The following GPAT3 variants were observed in gnomAD, a reference collection of about 807,000 sequenced individuals.
GPAT3 encodes glycerol-3-phosphate acyltransferase 3.
In GPAT3, 53 loss-of-function variants were observed where a neutral mutation model predicts 58.8. That is an observed-to-expected ratio of 0.90 (90% CI 0.72 to 1.13). GPAT3 has a LOEUF of 1.13. Among genes scored for constraint, GPAT3 ranks in the 50% most tolerant of loss-of-function variants. GPAT3 has a pLI of 0.00. For synonymous variants in GPAT3, 197 were observed against 187.4 expected (o/e 1.05, Z -0.42); for missense variants, 511 against 527.6 (o/e 0.97, Z 0.31).
intron 7 of GPAT3, among the ~76,000 whole-genome samples, chr4:83,595,886 A>C (rs1726808621): frequency 6.6e-6 from 1 of 152,150 alleles, no homozygotes; most frequent in African/African-American, 2.4e-5. Context: ...GTGGTCCATT[A>C]CTCTTAATAT....
chr4:83,601,785 G>T (rs778564891), intron 11 of GPAT3, among the ~76,000 whole-genome samples: 1 of 152,154 alleles, frequency 6.6e-6, no homozygotes, highest in East Asian at 1.9e-4. Context: ...AATAAAATTT[G>T]TTATGCTAAT....
chr4:83,566,918 G>A (rs549534447), intron 2 of GPAT3, among the ~76,000 whole-genome samples: 1 of 151,484 alleles, frequency 6.6e-6, no homozygotes, highest in Non-Finnish European at 1.5e-5. Context: ...TATAAATAAG[G>A]TGTGTTCTTC....
At chr4:83,575,949 C>G (rs1725796753) in intron 2 of GPAT3, among the ~76,000 whole-genome samples, 1 of 152,192 alleles carries the variant, frequency 6.6e-6, no homozygotes, top group African/African-American at 2.4e-5. Context: ...GATCCCTTAC[C>G]CTGCTACTCC....
At chr4:83,561,819 AAGAG>A (rs70965358) in intron 2 of GPAT3, among the ~76,000 whole-genome samples, 17 of 151,468 alleles carry the variant, frequency 1.1e-4, no homozygotes, top group Middle Eastern at 3.4e-3. Flanking sequence ...AAAAAAAAAA[AAGAG>A]AGAGAGAATT....
chr4:83,582,465 A>G (rs1726179918), intron 3 of GPAT3, among the ~76,000 whole-genome samples: 1 of 152,194 alleles, frequency 6.6e-6, no homozygotes, highest in Admixed American at 6.5e-5. Context: ...ACATGAGTAG[A>G]AGGCACTGCG....
intron 1 of GPAT3, among the ~76,000 whole-genome samples, chr4:83,544,265 A>G (rs1338271675): frequency 6.6e-6 from 1 of 152,198 alleles, no homozygotes; most frequent in Non-Finnish European, 1.5e-5. Flanking sequence ...CTTTTCAAGG[A>G]GTAATTTATC....
intron 3 of GPAT3, among the ~76,000 whole-genome samples, chr4:83,582,818 T>C (rs868575830): frequency 2.0e-5 from 3 of 151,948 alleles, no homozygotes; most frequent in African/African-American, 4.8e-5. Flanking sequence ...AGTTCAGACA[T>C]TGGGGCATAG....
chr4:83,537,797 G>A (rs1724161832), intron 1 of GPAT3, among the ~76,000 whole-genome samples: 1 of 152,010 alleles, frequency 6.6e-6, no homozygotes. Context: ...GCAGCCTAGT[G>A]GTTAGGATTA....
At chr4:83,550,522 T>A (rs1209569539) in intron 2 of GPAT3, among the ~76,000 whole-genome samples, 1 of 152,228 alleles carries the variant, frequency 6.6e-6, no homozygotes, top group Non-Finnish European at 1.5e-5. Flanking sequence ...CATGCTTGAT[T>A]CATTTATCAA....
At chr4:83,583,730 G>A (rs919536044) in intron 3 of GPAT3, among the ~76,000 whole-genome samples, 1 of 138,994 alleles carries the variant, frequency 7.2e-6, no homozygotes, top group Admixed American at 7.6e-5. Context: ...ACTCTTGCCT[G>A]TAATCCCAGC....
chr4:83,599,956 A>C (rs1030564040), intron 11 of GPAT3, among the ~76,000 whole-genome samples: 3 of 152,200 alleles, frequency 2.0e-5, no homozygotes, highest in African/African-American at 7.2e-5. Flanking sequence ...AAATAGAACA[A>C]TTATAATAAT....
intron 2 of GPAT3, among the ~76,000 whole-genome samples, chr4:83,562,192 T>TA (rs1184218469): frequency 1.7e-4 from 7 of 42,306 alleles, no homozygotes; most frequent in East Asian, 1.2e-3. Flanking sequence ...TATATATATA[T>TA]ATATATAATA....
At chr4:83,575,616 G>A (rs891712144) in intron 2 of GPAT3, among the ~76,000 whole-genome samples, 3 of 151,804 alleles carry the variant, frequency 2.0e-5, no homozygotes. Context: ...GGGTTTCACT[G>A]TGTTAGCCAG....
chr4:83,557,504 A>G (rs1724982543), intron 2 of GPAT3, among the ~76,000 whole-genome samples: 1 of 150,702 alleles, frequency 6.6e-6, no homozygotes, highest in Admixed American at 6.6e-5. Context: ...AACACTAACA[A>G]TAGCTGATGA....
At chr4:83,565,841 C>T (rs184834764) in intron 2 of GPAT3, among the ~76,000 whole-genome samples, 4 of 152,260 alleles carry the variant, frequency 2.6e-5, no homozygotes, top group Non-Finnish European at 1.5e-5. Flanking sequence ...GGTTTACAAG[C>T]GCTTTGTTCT....
At chr4:83,566,043 C>T (rs1256971960) in intron 2 of GPAT3, among the ~76,000 whole-genome samples, 1 of 152,118 alleles carries the variant, frequency 6.6e-6, no homozygotes, top group Non-Finnish European at 1.5e-5. Flanking sequence ...TGTTATTTCC[C>T]CGAGCAACCT....
chr4:83,587,250 T>C lies in GPAT3; in HGVS notation c.480-5T>C, dbSNP rs748448227. ...TCTTATATGGCCCTCTCTTTTCTTT[T>C]TCAGGGTTACCTTGGCTTTCATTGG... On this transcript the variant is annotated splice_region_variant and splice_polypyrimidine_tract_variant and intron_variant, in intron 3 of 11. Transcript: ENST00000264409. The C allele has an allele frequency of 3.1e-6, 5 of 1,612,720 alleles. No individual in the cohort carries two copies. The African/African-American group carries it at 5.3e-5, about 17-fold the overall frequency.
rs186582032 is a variant in GPAT3, at chr4:83,546,771, G to A, written c.208+2169G>A. 1.8e-3 allele frequency among the ~76,000 whole-genome samples: 273 copies of A among 152,264 alleles called. 1 individual carries two copies. The highest frequency in any genetic ancestry group is 6.8e-3 in the Middle Eastern group (2 of 294). The stretch of plus-strand genomic sequence containing the variant: ...GACCACTGTGATAAATACTGAAATA[G>A]GTGCATAAGCAAAGGACAGTGTGAG... On this transcript the variant is annotated intron_variant, in intron 2 of 11. Coordinates refer to ENST00000264409, the MANE Select transcript of GPAT3 (RefSeq NM_032717.5).
chr4:83,551,799 A>AC (rs1214530841), intron 2 of GPAT3, among the ~76,000 whole-genome samples: 52 of 88,040 alleles, frequency 5.9e-4, no homozygotes, highest in Non-Finnish European at 2.9e-4. Flanking sequence ...CTCGGAAAAA[A>AC]AAAAAAAAAA....
Sources: gnomAD v4.1 joint callset for allele counts (sites outside exome capture counted in the v4.1 genomes callset) on GRCh38, gnomAD v4.1.1 for gene constraint, MANE v1.5 for transcripts, NCBI Gene and HGNC (gene_info 2026-07-23, HGNC 2026-07-21) for gene names.